C7: variants seen among roughly 807,000 people sequenced by gnomAD.
C7 encodes the protein complement C7, also known as complement component C7.
Under a neutral mutation model 104.8 loss-of-function variants are expected in C7, and 83 were observed. The ratio of observed to expected loss-of-function variants is 0.79; its 90% confidence interval spans 0.66 to 0.95. The LOEUF (loss-of-function observed/expected upper bound fraction) is 0.95. Ranked by LOEUF, C7 falls within the 40% of genes least tolerant of loss-of-function variation. The pLI, the probability that C7 is intolerant of heterozygous loss-of-function variation, is 0.00. For synonymous variants in C7, 415 were observed against 360.6 expected, an observed-to-expected ratio of 1.15 and a Z score of -1.71; for missense variants, 1,070 against 1,011.2, an observed-to-expected ratio of 1.06 and a Z score of -0.79.
At chr5:40,976,601 C>T in intron 15 of C7, 149 bp from the exon 16 acceptor site, 1 of 511,958 alleles carries the variant, frequency 2.0e-6, no homozygotes, top group Admixed American at 3.5e-5. Flanking sequence ...TAAAATGTAT[C>T]ACACCTTGAT....
At chr5:40,911,887 C>T (rs62358575) in intron 1 of C7, among the ~76,000 whole-genome samples, 30,162 of 151,090 alleles carry the variant, frequency 0.2, 3,094 homozygotes, top group East Asian at 0.32. Context: ...TACAGGCGTG[C>T]GCCACCATGC....
chr5:40,937,630 T>A lies in C7; in HGVS notation c.507T>A (p.Phe169Leu). ...TTGGTGGTCAATGTAGAAAGGTGTT[T>A]AGTGGGGATGGAAAAGATTTCTACA... Reference protein sequence around the residue: ...KSFGGQCRKVFSGDGKDFYRL... With the variant: ...KSFGGQCRKVLSGDGKDFYRL... The change falls in exon 6 of 18, where the codon TTT becomes TTA. Residue 169 changes from phenylalanine (F) to leucine (L), a missense_variant. Physicochemically the swap from Phe to Leu is conservative, Grantham distance 22. Transcript: ENST00000313164. The A allele has an allele frequency of 6.2e-7, 1 of 1,611,996 alleles. No homozygotes were observed. Among genetic ancestry groups the A allele is most frequent in the Non-Finnish European group, 8.5e-7 (1 of 1,178,806 alleles).
At chr5:40,974,037 T>C (rs1740759882) in intron 15 of C7, among the ~76,000 whole-genome samples, 1 of 152,204 alleles carries the variant, frequency 6.6e-6, no homozygotes, top group African/African-American at 2.4e-5. Flanking sequence ...TTCTAGTATT[T>C]AGTCTTTTTT....
intron 16 of C7, among the ~76,000 whole-genome samples, chr5:40,979,233 A>C (rs1740884448): frequency 6.6e-6 from 1 of 152,186 alleles, no homozygotes; most frequent in Admixed American, 6.6e-5. Context: ...TGAAAAATAC[A>C]GTTTCATCTT....
intron 11 of C7, among the ~76,000 whole-genome samples, chr5:40,958,852 G>C (rs1740359310): frequency 6.6e-6 from 1 of 152,068 alleles, no homozygotes; most frequent in African/African-American, 2.4e-5. Context: ...TTAAGGTCAG[G>C]GCTGTTTGAT....
chr5:40,931,170 A>G (rs1438917529), intron 3 of C7, 31 bp downstream of exon 3: 1 of 1,539,422 alleles, frequency 6.5e-7, no homozygotes, highest in Non-Finnish European at 9.0e-7. Flanking sequence ...GTATTTGATT[A>G]TTTATTGCAG....
chr5:40,945,065 T>C (rs1283492688), intron 6 of C7, 133 bp from the exon 7 acceptor site: 4 of 586,592 alleles, frequency 6.8e-6, no homozygotes, highest in South Asian at 2.4e-5. Context: ...ACTGGCCTGG[T>C]CTTAATGAGA....
chr5:40,963,750 T>A (rs926029482), intron 13 of C7, among the ~76,000 whole-genome samples: 1 of 152,030 alleles, frequency 6.6e-6, no homozygotes, highest in Non-Finnish European at 1.5e-5. Flanking sequence ...GACTTCAAAT[T>A]CCACCTTGCT....
chr5:40,918,618 A>G (rs1364648770), intron 1 of C7, among the ~76,000 whole-genome samples: 1 of 152,114 alleles, frequency 6.6e-6, no homozygotes, highest in Non-Finnish European at 1.5e-5. Context: ...TTCCACATCA[A>G]TAGAAACCAA....
At chr5:40,952,879 A>G (rs796261067) in intron 9 of C7, among the ~76,000 whole-genome samples, 4 of 152,356 alleles carry the variant, frequency 2.6e-5, no homozygotes, top group African/African-American at 9.6e-5. Flanking sequence ...CATCATTCTT[A>G]GCAAAGAATC....
At chr5:40,952,460 G>T (rs933347432) in intron 9 of C7, among the ~76,000 whole-genome samples, 2 of 134,768 alleles carry the variant, frequency 1.5e-5, no homozygotes, top group African/African-American at 5.5e-5. Flanking sequence ...ACATCATGAT[G>T]GTAGAATCTG....
At chr5:40,945,084 T>C in intron 6 of C7, 114 bp from the exon 7 acceptor site, 2 of 612,778 alleles carry the variant, frequency 3.3e-6, no homozygotes, top group Non-Finnish European at 5.7e-6. Flanking sequence ...GAGTCACAGT[T>C]GCTTTGTGCC....
At chr5:40,934,564 T>C in intron 4 of C7, 98 bp downstream of exon 4, 1 of 1,224,748 alleles carries the variant, frequency 8.2e-7, no homozygotes, top group East Asian at 2.4e-5. Flanking sequence ...ACTGAATTTA[T>C]ATTGGCCTAA....
Position 40,934,469 on chromosome 5 carries a change from A to T in C7, c.280+3A>T. ...AGAGCGTTTCAGGTGCTTTTCAGGT[A>T]ACTTGTTTTCCATAGGCTCAGCATG... On this transcript the variant is annotated splice_donor_region_variant and intron_variant, in intron 4 of 17. Transcript: ENST00000313164. 6.2e-7 allele frequency: 1 copy of T among 1,613,484 alleles called. No individual in the cohort carries two copies. Among genetic ancestry groups the T allele is most frequent in the South Asian group, 1.1e-5 (1 of 91,038 alleles).
At chr5:40,970,332 T>C (rs1357107427) in intron 14 of C7, among the ~76,000 whole-genome samples, 1 of 152,244 alleles carries the variant, frequency 6.6e-6, no homozygotes, top group Non-Finnish European at 1.5e-5. Flanking sequence ...GCAAGATTTT[T>C]TTTTTAATCA....
rs1006111779 is a variant in C7 at position 40,979,893 on chromosome 5, G to C, written c.2334G>C (p.Leu778=). Residue 778 remains leucine, a synonymous_variant, in exon 17 of 18, where the codon CTG becomes CTC. Coordinates refer to ENST00000313164, the MANE Select transcript of C7 (RefSeq NM_000587.4). ...AGAAAGCTTGTGGTGCCTGCCCACT[G>C]TGGGGAAAATGTGATGGTAAGGGGC... ...SAEKACGACP[L]WGKCDAESSK... 1 of 1,590,334 alleles carries C rather than the reference G, an allele frequency of 6.3e-7. No homozygotes were observed. The highest frequency in any genetic ancestry group is 8.6e-7 in the Non-Finnish European group (1 of 1,165,228).
intron 6 of C7, among the ~76,000 whole-genome samples, chr5:40,942,018 A>G (rs1383057981): frequency 2.0e-5 from 3 of 152,206 alleles, no homozygotes; most frequent in Admixed American, 1.3e-4. Context: ...CCAACAGAAG[A>G]GAGTATTTCC....
rs559797223 is a variant in C7, at chr5:40,928,229, TG to T, written c.7-349del. Reference sequence around the variant, plus strand: ...TCGAACTTGTAGAAGCAAAGTAGAATGGTGGTTACAGAGACTGGGGTAATAG... The same window carrying T: ...TCGAACTTGTAGAAGCAAAGTAGAATGTGGTTACAGAGACTGGGGTAATAG... On this transcript the variant is annotated intron_variant, in intron 1 of 17. Transcript: ENST00000313164. 2.7e-3 allele frequency among the ~76,000 whole-genome samples: 416 copies of T among 152,268 alleles called. 2 individuals are homozygous for T. Among genetic ancestry groups the T allele is most frequent in the Non-Finnish European group, 4.3e-3 (293 of 67,992 alleles).
At chr5:40,959,356 C>A in intron 11 of C7, 93 bp from the exon 12 acceptor site, 1 of 1,132,606 alleles carries the variant, frequency 8.8e-7, no homozygotes, top group Non-Finnish European at 1.3e-6. Flanking sequence ...AGAATGATCT[C>A]TTCCTCCAAT....
Sources: allele counts gnomAD v4.1 joint callset (sites outside exome capture counted in the v4.1 genomes callset), GRCh38; gene constraint gnomAD v4.1.1; transcripts MANE v1.5; gene names NCBI Gene and HGNC (gene_info 2026-07-23, HGNC 2026-07-21).